Variants in MRPL35 observed in about 807,000 individuals in gnomAD.
MRPL35 encodes the protein mitochondrial ribosomal protein L35.
A neutral mutation model predicts 21.6 loss-of-function variants in MRPL35; 18 were observed. That is an observed-to-expected ratio of 0.83 (90% CI 0.58 to 1.24). The LOEUF is 1.24. MRPL35 is among the 50% of genes most tolerant of loss of function. The pLI, the probability that MRPL35 is intolerant of heterozygous loss-of-function variation, is 0.00. For synonymous variants in MRPL35, 87 were observed against 86.9 expected (o/e 1.00, Z -0.01); for missense variants, 223 against 223.2 (o/e 1.00, Z 0.01).
rs1673920792 is a variant in MRPL35, at chr2:86,212,323, AC to A, written c.*1657del. 1 of 1,596,038 alleles carries A rather than the reference AC, an allele frequency of 6.3e-7. No individual in the cohort carries two copies. Among genetic ancestry groups the A allele is most frequent in the East Asian group, 2.3e-5 (1 of 44,294 alleles). ...GTCCAAGTGCGTGTCTACTTATGGG[AC>A]CAATAAATAAAGAACAGACATTTGA... On this transcript the variant is annotated 3_prime_UTR_variant, in exon 4 of 4. Coordinates refer to ENST00000337109, the MANE Select transcript of MRPL35 (RefSeq NM_016622.4).
rs1673937435 is a variant in MRPL35 at position 86,212,906 on chromosome 2, A to G, written c.*2238A>G. The G allele has an allele frequency of 1.2e-6, 1 of 817,998 alleles. No homozygotes were observed. The highest frequency in any genetic ancestry group is 1.9e-5 in the African/African-American group (1 of 53,862). 50.7% of individuals were successfully genotyped at this position (817,998 alleles called of 1,614,324 possible). A position where few individuals can be genotyped will look rare whatever the true frequency, so the allele number is the denominator to read the frequency against. ...ATGTATAGTTTGTTTATTCAGGTAT[A>G]TGTATAATTTATTGAACACCTACTA... On this transcript the variant is annotated 3_prime_UTR_variant, in exon 4 of 4. Coordinates refer to ENST00000337109, the MANE Select transcript of MRPL35 (RefSeq NM_016622.4).
Position 86,211,461 on chromosome 2 carries a change from T to G in MRPL35, c.*793T>G. ...TTTGCATGCAGCAAAAAAACAGTTA[T>G]GTGAGCAGTTTCACTTGGAGGTTCA... is the stretch of plus-strand genomic sequence containing the variant. On this transcript the variant is annotated 3_prime_UTR_variant, in exon 4 of 4. Transcript: ENST00000337109. 1 of 985,474 alleles carries G rather than the reference T, an allele frequency of 1.0e-6. No homozygotes were observed. Among genetic ancestry groups the G allele is most frequent in the Non-Finnish European group, 1.2e-6 (1 of 829,962 alleles). 61.0% of individuals were successfully genotyped at this position (985,474 alleles called of 1,614,324 possible).
Position 86,211,735 on chromosome 2 carries a change from A to G in MRPL35, c.*1067A>G, listed in dbSNP as rs1385675637. ...CAGGCTGGAGTGCAGTGGTGCAATC[A>G]TAGCTCATTGAAGCCTCGCACTCCT... On this transcript the variant is annotated 3_prime_UTR_variant, in exon 4 of 4. Coordinates refer to ENST00000337109, the MANE Select transcript of MRPL35 (RefSeq NM_016622.4). The G allele has an allele frequency of 1.0e-6, 1 of 983,054 alleles. No homozygotes were observed. Among genetic ancestry groups the G allele is most frequent in the African/African-American group, 1.7e-5 (1 of 57,186 alleles). 60.9% of individuals were successfully genotyped at this position (983,054 alleles called of 1,614,324 possible). A position where few individuals can be genotyped will look rare whatever the true frequency, so the allele number is the denominator to read the frequency against.
Position 86,212,533 on chromosome 2 carries a change from T to G in MRPL35, c.*1865T>G. The G allele has an allele frequency of 6.3e-7, 1 of 1,596,014 alleles. No homozygotes were observed. Among genetic ancestry groups the G allele is most frequent in the Non-Finnish European group, 8.5e-7 (1 of 1,172,098 alleles). ...AGATGGAAATGGTGCCTGCAGAAGTTGGGGAGAAGGATACTTTTGCACAGC... is the reference window on the plus strand; with the variant it reads ...AGATGGAAATGGTGCCTGCAGAAGTGGGGGAGAAGGATACTTTTGCACAGC... On this transcript the variant is annotated 3_prime_UTR_variant, in exon 4 of 4. Coordinates refer to ENST00000337109, the MANE Select transcript of MRPL35 (RefSeq NM_016622.4).
chr2:86,212,732 C>T lies in MRPL35; in HGVS notation c.*2064C>T, dbSNP rs370852770. On this transcript the variant is annotated 3_prime_UTR_variant, in exon 4 of 4. Coordinates refer to ENST00000337109, the MANE Select transcript of MRPL35 (RefSeq NM_016622.4). The stretch of plus-strand genomic sequence containing the variant: ...GGATGGCTGACAGGCACATAACTTA[C>T]GGGAAAGGGAATTTCATACATACGA... The T allele has an allele frequency of 7.2e-4, 848 of 1,172,238 alleles. 20 individuals carry two copies. In the South Asian group the frequency reaches 0.031, roughly 42 times the overall value. The allele number at this position is 1,172,238 out of a possible 1,614,324, so 72.6% of individuals were successfully genotyped here.
chr2:86,202,002 T>C (rs561082464), intron 1 of MRPL35, among the ~76,000 whole-genome samples: 10 of 152,338 alleles, frequency 6.6e-5, no homozygotes, highest in Admixed American at 1.3e-4. Flanking sequence ...TATACAACAG[T>C]GTGTTTAGAG....
At position 86,212,059 on chromosome 2, in the gene MRPL35, T is replaced by C. The variant is rs1000006173; in HGVS notation, c.*1391T>C. 1 of 1,060,620 alleles carries C rather than the reference T, an allele frequency of 9.4e-7. No homozygotes were observed. Among genetic ancestry groups the C allele is most frequent in the Non-Finnish European group, 1.1e-6 (1 of 877,128 alleles). 65.7% of individuals were successfully genotyped at this position (1,060,620 alleles called of 1,614,324 possible). ...TCCGATCAGAATCATCTGGGAAGCA[T>C]TTTCAAACAGCAAAGTACTTTGAAA... On this transcript the variant is annotated 3_prime_UTR_variant, in exon 4 of 4. Coordinates refer to ENST00000337109, the MANE Select transcript of MRPL35 (RefSeq NM_016622.4).
At chr2:86,203,556 T>C (rs1254969672) in intron 1 of MRPL35, among the ~76,000 whole-genome samples, 4 of 152,354 alleles carry the variant, frequency 2.6e-5, no homozygotes, top group African/African-American at 4.8e-5. Context: ...CTCCAAGATA[T>C]CTCCTTTATG....
Position 86,203,520 on chromosome 2 carries a change from A to AT in MRPL35, c.44-2583dup, listed in dbSNP as rs548880566. Among the ~76,000 whole-genome samples the AT allele has an allele frequency of 7.2e-3, 1,096 of 152,334 alleles. 11 individuals are homozygous for AT. Among genetic ancestry groups the AT allele is most frequent in the Non-Finnish European group, 0.013 (871 of 68,020 alleles). On this transcript the variant is annotated intron_variant, in intron 1 of 3. Transcript: ENST00000337109. Reference sequence around the variant, plus strand: ...TGTAAGATTTATATGAAACAAATGAATTTCATGTTTGGACTTGAGTCCCAT... The same window carrying AT: ...TGTAAGATTTATATGAAACAAATGAATTTTCATGTTTGGACTTGAGTCCCAT...
Position 86,199,761 on chromosome 2 carries a change from C to CT in MRPL35, c.43+235dup, listed in dbSNP as rs377225168. Among the ~76,000 whole-genome samples the CT allele has an allele frequency of 1.1e-4, 16 of 152,334 alleles. No individual in the cohort carries two copies. The South Asian group carries it at 2.5e-3, about 24-fold the overall frequency. On this transcript the variant is annotated intron_variant, in intron 1 of 3. Transcript: ENST00000337109. ...CACGCATTTGCCGCTTCCTTACCAGCTTTTTTTCCCTAGAAAAGAAGCCAG... is the reference window on the plus strand; with the variant it reads ...CACGCATTTGCCGCTTCCTTACCAGCTTTTTTTTCCCTAGAAAAGAAGCCAG...
rs1306262234 is a variant in MRPL35 at position 86,213,751 on chromosome 2, G to A, written c.*3083G>A. 2.0e-5 allele frequency: 29 copies of A among 1,420,518 alleles called. No homozygotes were observed. The South Asian group carries it at 2.3e-4, about 11-fold the overall frequency. The allele number at this position is 1,420,518 out of a possible 1,614,324, so 88.0% of individuals were successfully genotyped here. A position where few individuals can be genotyped will look rare whatever the true frequency, so the allele number is the denominator to read the frequency against. ...TTTTCACAGCTACCTAGTTTCTGCC[G>A]ATGATTTTTTTAAATGTGAAATAAA... On this transcript the variant is annotated 3_prime_UTR_variant, in exon 4 of 4. Coordinates refer to ENST00000337109, the MANE Select transcript of MRPL35 (RefSeq NM_016622.4).
At chr2:86,209,099 T>C (rs1449341435) in intron 3 of MRPL35, among the ~76,000 whole-genome samples, 1 of 152,234 alleles carries the variant, frequency 6.6e-6, no homozygotes, top group Admixed American at 6.5e-5. Flanking sequence ...TAACCCAGTT[T>C]GGCCTGCAAA....
At chr2:86,200,549 C>A (rs542891936) in intron 1 of MRPL35, among the ~76,000 whole-genome samples, 1 of 152,294 alleles carries the variant, frequency 6.6e-6, no homozygotes, top group Admixed American at 6.5e-5. Flanking sequence ...ATCTCAAGAA[C>A]ATAGTTTTGC....
chr2:86,206,042 CTT>C, intron 1 of MRPL35, 62 bp from the exon 2 acceptor site: 5 of 1,381,032 alleles, frequency 3.6e-6, no homozygotes, highest in Non-Finnish European at 5.0e-6. Flanking sequence ...TGATACATCT[CTT>C]AATTTTTAAT....
chr2:86,212,686 A>G lies in MRPL35; in HGVS notation c.*2018A>G. The G allele has an allele frequency of 8.1e-7, 1 of 1,229,248 alleles. No homozygotes were observed. Among genetic ancestry groups the G allele is most frequent in the East Asian group, 3.3e-5 (1 of 30,278 alleles). The allele number at this position is 1,229,248 out of a possible 1,614,324, so 76.1% of individuals were successfully genotyped here. A position where few individuals can be genotyped will look rare whatever the true frequency, so the allele number is the denominator to read the frequency against. ...AAGGACTGGCAACCAGAGCCTCAGCATCCAAAGATGGACTGAAGTGGGATG... is the reference window on the plus strand; with the variant it reads ...AAGGACTGGCAACCAGAGCCTCAGCGTCCAAAGATGGACTGAAGTGGGATG... On this transcript the variant is annotated 3_prime_UTR_variant, in exon 4 of 4. Transcript: ENST00000337109.
chr2:86,210,715 G>T lies in MRPL35; in HGVS notation c.*47G>T, dbSNP rs1189444926. ...TCAGTTATTGGATATGTATCTTTGT[G>T]TACATATCTTTGCAAAAATGGATAA... On this transcript the variant is annotated 3_prime_UTR_variant, in exon 4 of 4. Coordinates refer to ENST00000337109, the MANE Select transcript of MRPL35 (RefSeq NM_016622.4). 2 of 1,521,568 alleles carry T rather than the reference G, an allele frequency of 1.3e-6. No individual in the cohort carries two copies. The allele number at this position is 1,521,568 out of a possible 1,614,324, so 94.3% of individuals were successfully genotyped here.
At chr2:86,206,797 A>G (rs547161344) in intron 2 of MRPL35, among the ~76,000 whole-genome samples, 2 of 152,300 alleles carry the variant, frequency 1.3e-5, no homozygotes, top group South Asian at 2.1e-4. Context: ...GATGGGCTGC[A>G]TGTGTTGGTC....
rs1045560551 is a variant in MRPL35, at chr2:86,207,264, G to T, written c.315G>T (p.Lys105Asn). 5.0e-6 allele frequency: 8 copies of T among 1,614,100 alleles called. No individual in the cohort carries two copies. Among genetic ancestry groups the T allele is most frequent in the Non-Finnish European group, 6.8e-6 (8 of 1,179,966 alleles). Residue 105 changes from lysine (K) to asparagine (N), a missense_variant, in exon 3 of 4, where the codon AAG becomes AAT. Transcript: ENST00000337109. ...TYFSARKGKR[K>N]TVKAVIDRFL... ...TCAGTGCAAGAAAAGGCAAGAGAAA[G>T]ACCGTGAAAGCTGTCATCGATAGGT...
chr2:86,206,468 A>G (rs12714177), intron 2 of MRPL35, among the ~76,000 whole-genome samples, 173 bp downstream of exon 2: 62,129 of 152,044 alleles, frequency 0.41, 13,829 homozygotes, highest in Non-Finnish European at 0.51. Flanking sequence ...AAGTAGCTGG[A>G]AAGTTCTGGG....
Sources: allele counts gnomAD v4.1 joint callset (sites outside exome capture counted in the v4.1 genomes callset), GRCh38; gene constraint gnomAD v4.1.1; transcripts MANE v1.5; gene names NCBI Gene and HGNC (gene_info 2026-07-23, HGNC 2026-07-21).